Variants in ZHX2 observed in about 807,000 individuals in gnomAD.
The protein encoded by ZHX2 is zinc fingers and homeoboxes 2.
In ZHX2, 6 loss-of-function variants were observed where a neutral mutation model predicts 21.9. That is an observed-to-expected ratio of 0.27 (90% CI 0.15 to 0.54). The LOEUF (loss-of-function observed/expected upper bound fraction) is 0.54. ZHX2 is among the 20% of genes least tolerant of loss of function. The pLI is 0.95. For synonymous variants in ZHX2, 434 were observed against 437.1 expected (o/e 0.99, Z 0.09); for missense variants, 908 against 1,090.7 (o/e 0.83, Z 2.36).
At chr8:122,922,155 C>T (rs1433961418) in intron 2 of ZHX2, among the ~76,000 whole-genome samples, 1 of 151,700 alleles carries the variant, frequency 6.6e-6, no homozygotes, top group East Asian at 1.9e-4. Flanking sequence ...GTTTTCCCCA[C>T]CCCCACCAAC....
chr8:122,781,598 G>C (rs964133843), upstream of ZHX2: 2 of 152,652 alleles, frequency 1.3e-5, no homozygotes, highest in Non-Finnish European at 2.9e-5. This position sits in a 1 kb window ranked among gnomAD's most constrained non-coding sequence, Gnocchi z 4.6. Context: ...ACCCGAGCCC[G>C]GGTGGCAGCT....
chr8:122,916,981 C>T (rs996064032), intron 2 of ZHX2, among the ~76,000 whole-genome samples: 1 of 152,154 alleles, frequency 6.6e-6, no homozygotes, highest in South Asian at 2.1e-4. Flanking sequence ...CACAACTGTG[C>T]CTGGCTCAAC....
chr8:122,852,079 T>C (rs886787063), intron 1 of ZHX2, among the ~76,000 whole-genome samples: 1 of 152,294 alleles, frequency 6.6e-6, no homozygotes, highest in South Asian at 2.1e-4. Context: ...GTAAGAAAGG[T>C]GTCTGCAAAG....
In ZHX2 at chr8:122,953,192, G is replaced by T; in HGVS notation, c.1682G>T (p.Arg561Leu). 1 of 1,613,710 alleles carries T rather than the reference G, an allele frequency of 6.2e-7. No individual in the cohort carries two copies. Among genetic ancestry groups the T allele is most frequent in the Non-Finnish European group, 8.5e-7 (1 of 1,179,986 alleles). Residue 561 changes from arginine to leucine, a missense_variant, in exon 3 of 4, where the codon CGG becomes CTG. Coordinates refer to ENST00000314393, the MANE Select transcript of ZHX2 (RefSeq NM_014943.5). The surrounding 1 kb of genome is among the most constrained non-coding windows in gnomAD (Gnocchi z 4.6). ...SSFPTQAELD[R>L]LRVETKLSRR... ...TTTCCTACCCAAGCAGAACTGGATC[G>T]GCTAAGGGTGGAGACCAAGCTGAGC...
intron 1 of ZHX2, among the ~76,000 whole-genome samples, chr8:122,820,147 CAGGGGGAAA>C (rs1818112627): frequency 6.6e-6 from 1 of 152,150 alleles, no homozygotes; most frequent in Non-Finnish European, 1.5e-5. Flanking sequence ...TACTCAAACC[CAGGGGGAAA>C]AGCCGGCTGC....
intron 1 of ZHX2, among the ~76,000 whole-genome samples, chr8:122,829,450 CAAA>C (rs556595568): frequency 1.3e-5 from 2 of 152,200 alleles, no homozygotes; most frequent in Non-Finnish European, 2.9e-5. Context: ...CTTTACTTTT[CAAA>C]GTTTATTTAA....
intron 2 of ZHX2, among the ~76,000 whole-genome samples, chr8:122,949,343 G>T (rs1813053987): frequency 1.3e-5 from 2 of 151,870 alleles, no homozygotes; most frequent in South Asian, 4.2e-4. Context: ...AAAGGAAAAT[G>T]ATAGACTGGG....
chr8:122,854,540 C>T (rs914544081), intron 1 of ZHX2, among the ~76,000 whole-genome samples: 1 of 152,066 alleles, frequency 6.6e-6, no homozygotes, highest in Non-Finnish European at 1.5e-5. Context: ...TCCAGTCCCT[C>T]GACGCCTCTT....
chr8:122,928,536 A>G (rs1820909531), intron 2 of ZHX2, among the ~76,000 whole-genome samples: 1 of 152,156 alleles, frequency 6.6e-6, no homozygotes, highest in Non-Finnish European at 1.5e-5. Flanking sequence ...TTACTGAAAG[A>G]AGAGATGGGT....
intron 1 of ZHX2, among the ~76,000 whole-genome samples, chr8:122,821,140 T>C (rs1818136731): frequency 6.6e-6 from 1 of 152,162 alleles, no homozygotes; most frequent in African/African-American, 2.4e-5. Context: ...AATTCTAGAT[T>C]CTGGAGGAGG....
intron 1 of ZHX2, among the ~76,000 whole-genome samples, chr8:122,824,589 T>G (rs1818222839): frequency 6.6e-6 from 1 of 152,150 alleles, no homozygotes; most frequent in Non-Finnish European, 1.5e-5. Context: ...TCCAGCCCAG[T>G]GCTTATGTTT....
chr8:122,891,477 T>C (rs1190918714), intron 2 of ZHX2, among the ~76,000 whole-genome samples: 2 of 152,174 alleles, frequency 1.3e-5, no homozygotes, highest in African/African-American at 4.8e-5. Context: ...TTGGGTTTGA[T>C]TTGTTCTTGA....
At chr8:122,909,725 T>G (rs562761512) in intron 2 of ZHX2, among the ~76,000 whole-genome samples, 3 of 152,104 alleles carry the variant, frequency 2.0e-5, no homozygotes, top group Non-Finnish European at 4.4e-5. Flanking sequence ...GATCCTGATC[T>G]TCTGCACTCC....
At chr8:122,862,852 C>G (rs1427389727) in intron 1 of ZHX2, among the ~76,000 whole-genome samples, 1 of 152,220 alleles carries the variant, frequency 6.6e-6, no homozygotes, top group Non-Finnish European at 1.5e-5. Context: ...CAGGTGGCCT[C>G]TGCCCTGCGT....
upstream of ZHX2, chr8:122,780,999 G>C (rs1339336230): frequency 2.0e-5 from 3 of 152,212 alleles, no homozygotes; most frequent in Non-Finnish European, 2.9e-5. Context: ...TATATAAGTG[G>C]GGGGCTCCTT....
At chr8:122,945,687 CAG>C (rs1386009755) in intron 2 of ZHX2, among the ~76,000 whole-genome samples, 3 of 152,288 alleles carry the variant, frequency 2.0e-5, no homozygotes, top group East Asian at 3.9e-4. Flanking sequence ...GGACTTCAGA[CAG>C]AGAGGGGCAA....
At position 122,838,290 on chromosome 8, in the gene ZHX2, C is replaced by T. The variant is rs147619072; in HGVS notation, c.-282-25187C>T. On this transcript the variant is annotated intron_variant, in intron 1 of 3. Transcript: ENST00000314393. ...CATCAAGTCACCACAGACACCCTGG[C>T]GAATATTCCTCGTGTGCCCATCCCT... is the stretch of plus-strand genomic sequence containing the variant. Among the ~76,000 whole-genome samples the T allele has an allele frequency of 2.4e-3, 363 of 152,266 alleles. 7 individuals are homozygous for T. The highest frequency in any genetic ancestry group is 0.016 in the Admixed American group (238 of 15,292).
intron 1 of ZHX2, among the ~76,000 whole-genome samples, chr8:122,787,248 A>G (rs1368580415): frequency 6.6e-6 from 1 of 152,140 alleles, no homozygotes; most frequent in Non-Finnish European, 1.5e-5. Flanking sequence ...CTGGTAGACA[A>G]TATTTACCTG....
In ZHX2 at chr8:122,782,148, T is replaced by G. The variant is rs1817301793; in HGVS notation, c.-283+202T>G. ...GAAGGGGGGGGGTGTGCAGGCTCTT[T>G]TTGCGGGTGGGAGGAAATGAGCGGA... On this transcript the variant is annotated intron_variant, in intron 1 of 3. Transcript: ENST00000314393. This position sits in a 1 kb window ranked among gnomAD's most constrained non-coding sequence, Gnocchi z 5.3. 6.6e-6 allele frequency among the ~76,000 whole-genome samples: 1 copy of G among 151,634 alleles called. No homozygotes were observed. The highest frequency in any genetic ancestry group is 2.4e-5 in the African/African-American group (1 of 41,378).
Sources: allele counts gnomAD v4.1 joint callset (sites outside exome capture counted in the v4.1 genomes callset), GRCh38; gene constraint gnomAD v4.1.1; non-coding constraint Gnocchi (gnomAD v3.1); transcripts MANE v1.5; gene names NCBI Gene and HGNC (gene_info 2026-07-23, HGNC 2026-07-21).